Variants in CLSTN2 observed in about 807,000 individuals in gnomAD.
CLSTN2 encodes calsyntenin-2.
Under a neutral mutation model 101.2 loss-of-function variants are expected in CLSTN2, and 48 were observed. The ratio of observed to expected loss-of-function variants is 0.47; its 90% CI spans 0.38 to 0.60. The LOEUF is 0.60. Among genes scored for constraint, CLSTN2 ranks in the 20% least tolerant of loss-of-function variants. CLSTN2 has a pLI of 0.00. For synonymous variants in CLSTN2, 481 were observed against 463.6 expected, an observed-to-expected ratio of 1.04 and a Z score of -0.48; for missense variants, 1,160 against 1,238.2, an observed-to-expected ratio of 0.94 and a Z score of 0.95.
At chr3:140,483,922 C>T (rs907483950) in intron 8 of CLSTN2, among the ~76,000 whole-genome samples, 1 of 152,124 alleles carries the variant, frequency 6.6e-6, no homozygotes, top group Non-Finnish European at 1.5e-5. Context: ...ATCCAATTTG[C>T]CAGTCTGTGT....
chr3:140,052,762 TG>T (rs1418479891), intron 1 of CLSTN2, among the ~76,000 whole-genome samples: 1 of 152,230 alleles, frequency 6.6e-6, no homozygotes, highest in Non-Finnish European at 1.5e-5. Context: ...AACTCATTTT[TG>T]ACATGGGCTC....
At chr3:140,402,132 A>T (rs1468002467) in intron 2 of CLSTN2, among the ~76,000 whole-genome samples, 1 of 152,228 alleles carries the variant, frequency 6.6e-6, no homozygotes, top group Non-Finnish European at 1.5e-5. Flanking sequence ...ATTGGTATTG[A>T]TTGAACATCT....
At chr3:140,201,719 G>A (rs955115593) in intron 2 of CLSTN2, among the ~76,000 whole-genome samples, 1 of 152,016 alleles carries the variant, frequency 6.6e-6, no homozygotes, top group African/African-American at 2.4e-5. Context: ...TCTCTGCCTT[G>A]GTGAAGCTTA....
chr3:139,940,662 C>T (rs1228426249), intron 1 of CLSTN2, among the ~76,000 whole-genome samples: 1 of 152,046 alleles, frequency 6.6e-6, no homozygotes, highest in Non-Finnish European at 1.5e-5. Flanking sequence ...GGATATGCAC[C>T]TGTGTGTAAA....
chr3:140,333,854 C>A (rs1441086104), intron 2 of CLSTN2, among the ~76,000 whole-genome samples: 4 of 152,092 alleles, frequency 2.6e-5, no homozygotes, highest in African/African-American at 9.7e-5. Flanking sequence ...GAAACACTGA[C>A]CCCAGAAATA....
intron 2 of CLSTN2, among the ~76,000 whole-genome samples, chr3:140,258,165 C>G (rs559408403): frequency 6.6e-6 from 1 of 152,094 alleles, no homozygotes; most frequent in South Asian, 2.1e-4. Flanking sequence ...GCTTTTTCAG[C>G]CCGCTTTTAT....
intron 1 of CLSTN2, among the ~76,000 whole-genome samples, chr3:140,152,389 T>C (rs1487628948): frequency 6.6e-6 from 1 of 152,194 alleles, no homozygotes; most frequent in Non-Finnish European, 1.5e-5. Flanking sequence ...TGAAGGGTGG[T>C]CCCTCTAATA....
chr3:140,262,420 TA>T (rs780336957), intron 2 of CLSTN2, among the ~76,000 whole-genome samples: 1 of 151,956 alleles, frequency 6.6e-6, no homozygotes, highest in African/African-American at 2.4e-5. Flanking sequence ...TGGCCTGAGG[TA>T]AAAGAGAGAG....
At chr3:140,234,417 A>C (rs558593184) in intron 2 of CLSTN2, among the ~76,000 whole-genome samples, 19 of 152,220 alleles carry the variant, frequency 1.2e-4, no homozygotes, top group African/African-American at 4.6e-4. Flanking sequence ...AACTGGAACA[A>C]AATAAAAAAC....
chr3:140,527,856 A>G (rs1056864354), intron 8 of CLSTN2, among the ~76,000 whole-genome samples: 4 of 152,180 alleles, frequency 2.6e-5, no homozygotes, highest in Non-Finnish European at 5.9e-5. Context: ...TTATAAGTGG[A>G]AGCTAAACAT....
intron 10 of CLSTN2, among the ~76,000 whole-genome samples, chr3:140,552,507 A>G (rs1441293066): frequency 2.6e-5 from 4 of 152,012 alleles, no homozygotes; most frequent in African/African-American, 9.7e-5. Context: ...ATGCGCTGTG[A>G]CAGACCTCCC....
intron 1 of CLSTN2, among the ~76,000 whole-genome samples, chr3:140,028,929 A>G (rs961666509): frequency 1.3e-5 from 2 of 152,198 alleles, no homozygotes; most frequent in African/African-American, 2.4e-5. Context: ...GTCGCTAAGC[A>G]GAAGACCCAT....
chr3:140,110,496 A>T (rs1284196019), intron 1 of CLSTN2, among the ~76,000 whole-genome samples: 1 of 152,248 alleles, frequency 6.6e-6, no homozygotes, highest in Non-Finnish European at 1.5e-5. Context: ...TGATTCTAAG[A>T]TCAGGACTTT....
chr3:140,140,012 C>A (rs1021227923), intron 1 of CLSTN2, among the ~76,000 whole-genome samples: 2 of 152,196 alleles, frequency 1.3e-5, no homozygotes, highest in Non-Finnish European at 2.9e-5. Context: ...ACTTTAGATG[C>A]ATCAACATCA....
chr3:140,169,143 A>G (rs1013049435), intron 1 of CLSTN2, among the ~76,000 whole-genome samples: 2 of 152,104 alleles, frequency 1.3e-5, no homozygotes, highest in Non-Finnish European at 2.9e-5. Flanking sequence ...TTTCTCCATT[A>G]AAACCTCTTC....
At chr3:140,284,957 A>G (rs551286700) in intron 2 of CLSTN2, among the ~76,000 whole-genome samples, 22 of 152,180 alleles carry the variant, frequency 1.4e-4, no homozygotes, top group South Asian at 6.2e-4. Context: ...CTACCCTGAG[A>G]CAAAGGCTTG....
chr3:140,226,962 A>C (rs1358213170), intron 2 of CLSTN2, among the ~76,000 whole-genome samples: 2 of 152,162 alleles, frequency 1.3e-5, no homozygotes, highest in African/African-American at 4.8e-5. Context: ...GGTCCCTCTC[A>C]TGATACTTGG....
intron 1 of CLSTN2, among the ~76,000 whole-genome samples, chr3:139,973,297 C>T (rs906183492): frequency 2.6e-5 from 4 of 152,242 alleles, no homozygotes; most frequent in African/African-American, 9.6e-5. Context: ...GGCTGAGAAG[C>T]AAGGCAGGGT....
chr3:140,406,896 C>A lies in CLSTN2; in HGVS notation c.637+2130C>A, dbSNP rs143533508. Among the ~76,000 whole-genome samples the A allele has an allele frequency of 5.1e-3, 771 of 152,316 alleles. 4 individuals carry two copies. The highest frequency in any genetic ancestry group is 9.0e-3 in the Admixed American group (137 of 15,306). On this transcript the variant is annotated intron_variant, in intron 4 of 16. Coordinates refer to ENST00000458420, the MANE Select transcript of CLSTN2 (RefSeq NM_022131.3). ...AGTCTTTCTTTGGAGGGTAAACTGC[C>A]CCAGTCATGAAGATAATTACTCACC...
Sources: allele counts gnomAD v4.1 joint callset (sites outside exome capture counted in the v4.1 genomes callset), GRCh38; gene constraint gnomAD v4.1.1; transcripts MANE v1.5; gene names NCBI Gene and HGNC (gene_info 2026-07-23, HGNC 2026-07-21).